VWF: variants seen among roughly 807,000 people sequenced by gnomAD.
VWF encodes the protein Factor VIII related antigen.
Under a neutral mutation model 308.6 loss-of-function variants are expected in VWF, and 176 were observed. That is an observed-to-expected ratio of 0.57 (90% confidence interval 0.50 to 0.65). The LOEUF is 0.65. Ranked by LOEUF, VWF falls within the 30% of genes least tolerant of loss-of-function variation. VWF has a pLI of 0.00. For synonymous variants in VWF, 1,385 were observed against 1,443.4 expected, an observed-to-expected ratio of 0.96 and a Z score of 0.92; for missense variants, 3,146 against 3,648.2, an observed-to-expected ratio of 0.86 and a Z score of 3.55.
chr12:6,031,685 T>A (rs1245569239), intron 20 of VWF, 107 bp from the exon 21 acceptor site: 1 of 1,551,586 alleles, frequency 6.4e-7, no homozygotes, highest in Non-Finnish European at 8.8e-7. Flanking sequence ...TGTCACAGGA[T>A]CTTGCCACGT....
At chr12:6,036,291 G>T in intron 19 of VWF, 97 bp downstream of exon 19, 1 of 1,036,646 alleles carries the variant, frequency 9.6e-7, no homozygotes, top group Non-Finnish European at 1.5e-6. Flanking sequence ...GTTCCCACAG[G>T]GGGCTGGAGG....
Position 6,046,059 on chromosome 12 carries a change from C to T in VWF, c.2281+664G>A, listed in dbSNP as rs1280437929. On this transcript the variant is annotated intron_variant, in intron 17 of 51. Coordinates refer to ENST00000261405, the MANE Select transcript of VWF (RefSeq NM_000552.5). This position sits in a 1 kb window ranked among gnomAD's most constrained non-coding sequence, Gnocchi z 5.0. ...CCAACATGGCAAAACCCCGTCTCTACTAAAAATACAAAAAATTAGCCAGGT... is the reference window on the plus strand; with the variant it reads ...CCAACATGGCAAAACCCCGTCTCTATTAAAAATACAAAAAATTAGCCAGGT... 1.3e-5 allele frequency among the ~76,000 whole-genome samples: 2 copies of T among 152,092 alleles called. No homozygotes were observed. The highest frequency in any genetic ancestry group is 2.9e-5 in the Non-Finnish European group (2 of 68,020).
chr12:5,952,644 T>G (rs1473123368), intron 48 of VWF, 125 bp from the exon 49 acceptor site: 2 of 1,356,274 alleles, frequency 1.5e-6, no homozygotes, highest in Non-Finnish European at 2.0e-6. Flanking sequence ...AAGAAGACAG[T>G]GTATAATAAA....
intron 34 of VWF, among the ~76,000 whole-genome samples, chr12:6,008,218 T>TA (rs34683816): frequency 0.57 from 86,889 of 151,508 alleles, 25,319 homozygotes; most frequent in East Asian, 0.73. Context: ...GACTTTACAT[T>TA]AAAAAAAACT....
In VWF at chr12:5,974,063, T is replaced by C. The variant is rs530525005; in HGVS notation, c.7437+2048A>G. The stretch of plus-strand genomic sequence containing the variant: ...TCTGCAGACTGTGGCTTCAGGGTGA[T>C]GATGGTAGTGTTGTTCTTTCTTTTC... On this transcript the variant is annotated intron_variant, in intron 43 of 51. Coordinates refer to ENST00000261405, the MANE Select transcript of VWF (RefSeq NM_000552.5). Among the ~76,000 whole-genome samples the C allele has an allele frequency of 1.8e-4, 28 of 152,348 alleles. No individual in the cohort carries two copies. The South Asian group carries it at 3.9e-3, about 21-fold the overall frequency.
At chr12:6,066,245 C>G (rs1358892067) in intron 10 of VWF, among the ~76,000 whole-genome samples, 1 of 152,220 alleles carries the variant, frequency 6.6e-6, no homozygotes, top group African/African-American at 2.4e-5. Flanking sequence ...CCAATGTCTC[C>G]AGTGATTCTC....
chr12:6,052,745 C>T lies in VWF; in HGVS notation c.1984G>A (p.Gly662Arg), dbSNP rs772573308. Residue 662 changes from glycine (G) to arginine (R), a missense_variant, in exon 16 of 52, where the codon GGG becomes AGG. Around this residue, in one of 3 missense-constraint regions of VWF, gnomAD observed 1,304 missense variants for 1,353.0 expected, o/e 0.96. Transcript: ENST00000261405. ...CPKGQVYLQC[G>R]TPCNLTCRSL... ...CGGCAGGTCAGGTTGCAGGGGGTCCCGCACTGCAGGTACACCTGGCCTTTC... is the reference window on the plus strand; with the variant it reads ...CGGCAGGTCAGGTTGCAGGGGGTCCTGCACTGCAGGTACACCTGGCCTTTC... 14 of 1,613,938 alleles carry T rather than the reference C, an allele frequency of 8.7e-6. No individual in the cohort carries two copies. The highest frequency in any genetic ancestry group is 4.5e-5 in the East Asian group (2 of 44,872).
At chr12:6,032,265 C>T (rs71459990) in intron 20 of VWF, among the ~76,000 whole-genome samples, 37,728 of 150,886 alleles carry the variant, frequency 0.25, 5,031 homozygotes, top group African/African-American at 0.32. Context: ...GAGGCGGAGG[C>T]TGCAGTGAGC....
chr12:6,018,378 G>A lies in VWF; in HGVS notation c.5040C>T (p.Leu1680=). 2 of 1,611,526 alleles carry A rather than the reference G, an allele frequency of 1.2e-6. No homozygotes were observed. The highest frequency in any genetic ancestry group is 1.7e-6 in the Non-Finnish European group (2 of 1,179,568). Residue 1680 remains leucine, a synonymous_variant, in exon 28 of 52, where the codon CTC becomes CTT. Transcript: ENST00000261405. The part of the protein sequence containing the change: ...CSGEGLQIPT[L]SPAPDCSQPL... Reference sequence around the variant, plus strand: ...GTGCCAGCATACCAGGTGCAGGGGAGAGGGTGGGGATCTGCAGCCCCTCTC... The same window carrying A: ...GTGCCAGCATACCAGGTGCAGGGGAAAGGGTGGGGATCTGCAGCCCCTCTC...
intron 22 of VWF, among the ~76,000 whole-genome samples, chr12:6,028,638 G>T (rs368029755): frequency 2.6e-5 from 4 of 152,132 alleles, no homozygotes; most frequent in African/African-American, 9.7e-5. Flanking sequence ...TTTCAACTTA[G>T]AATTTCATAT....
rs886049735 is a variant in VWF at position 5,951,836 on chromosome 12, G to A, written c.8155+8C>T. 6.8e-6 allele frequency: 11 copies of A among 1,614,142 alleles called. No homozygotes were observed. Among genetic ancestry groups the A allele is most frequent in the Admixed American group, 3.3e-5 (2 of 60,030 alleles). On this transcript the variant is annotated splice_region_variant and intron_variant, in intron 50 of 51. Coordinates refer to ENST00000261405, the MANE Select transcript of VWF (RefSeq NM_000552.5). ...TTTCAAGGGACAAGATATTAGTAACGCACTCACATGTGTCACAGCAGGTGC... is the reference window on the plus strand; with the variant it reads ...TTTCAAGGGACAAGATATTAGTAACACACTCACATGTGTCACAGCAGGTGC...
In VWF at chr12:6,019,794, A is replaced by G. The variant is rs990727934; in HGVS notation, c.3675-51T>C. ...AATGGTTCAGGAAGAACCTGTGGAC[A>G]CTTCTGAGCCCTACAGTGTACAATG... On this transcript the variant is annotated intron_variant, in intron 27 of 51. Transcript: ENST00000261405. This position sits in a 1 kb window ranked among gnomAD's most constrained non-coding sequence, Gnocchi z 5.8. 1.9e-6 allele frequency: 3 copies of G among 1,552,740 alleles called. No homozygotes were observed. In the African/African-American group the frequency reaches 4.1e-5, roughly 21 times the overall value.
intron 33 of VWF, 81 bp from the exon 34 acceptor site, chr12:6,011,875 C>G: frequency 7.0e-7 from 1 of 1,430,964 alleles, no homozygotes; most frequent in Non-Finnish European, 9.8e-7. Flanking sequence ...ACAACTGACC[C>G]CTAGAATTGA....
chr12:6,122,646 A>C, intron 2 of VWF: 1 of 427,896 alleles, frequency 2.3e-6, no homozygotes, highest in Non-Finnish European at 4.6e-6. Context: ...TTGCAGACCC[A>C]GAATCTTAGC....
At chr12:5,973,633 A>G (rs12829271) in intron 43 of VWF, among the ~76,000 whole-genome samples, 104,100 of 152,142 alleles carry the variant, frequency 0.68, 36,548 homozygotes, top group Middle Eastern at 0.86. Flanking sequence ...GGCTTCATAT[A>G]AGCTACAGAG....
intron 6 of VWF, among the ~76,000 whole-genome samples, chr12:6,089,403 G>A (rs1945007296): frequency 6.6e-6 from 1 of 152,208 alleles, no homozygotes; most frequent in South Asian, 2.1e-4. Flanking sequence ...CCAACACGAA[G>A]AACCTGGTAC....
rs1470571061 is a variant in VWF, at chr12:5,949,098, G to A, written c.8359C>T (p.His2787Tyr). Residue 2787 changes from histidine (H) to tyrosine (Y), a missense_variant, in exon 52 of 52, where the codon CAC becomes TAC. Coordinates refer to ENST00000261405, the MANE Select transcript of VWF (RefSeq NM_000552.5). Reference protein sequence around the residue: ...TRTEPMQVALHCTNGSVVYHE... With the variant: ...TRTEPMQVALYCTNGSVVYHE... ...TACACAACAGAGCCATTGGTGCAGT[G>A]CAGGGCCACCTGCATGGGCTCCGTC... 2 of 1,614,248 alleles carry A rather than the reference G, an allele frequency of 1.2e-6. No individual in the cohort carries two copies. Among genetic ancestry groups the A allele is most frequent in the Admixed American group, 1.7e-5 (1 of 60,030 alleles).
chr12:6,065,352 C>G, intron 10 of VWF, 79 bp from the exon 11 acceptor site: 1 of 1,575,622 alleles, frequency 6.3e-7, no homozygotes, highest in South Asian at 1.1e-5. Context: ...AATGCATATG[C>G]AAGCAGGGTG....
intron 18 of VWF, among the ~76,000 whole-genome samples, chr12:6,041,603 CA>C (rs1227411174): frequency 6.6e-6 from 1 of 151,766 alleles, no homozygotes; most frequent in Non-Finnish European, 1.5e-5. Context: ...CGCCCGCCAC[CA>C]CGCCCAGCTA....
Sources: gnomAD v4.1 joint callset for allele counts (sites outside exome capture counted in the v4.1 genomes callset) on GRCh38, gnomAD v4.1.1 for gene constraint, gnomAD v4.1.1 regional missense constraint, Gnocchi (gnomAD v3.1) non-coding constraint, MANE v1.5 for transcripts, NCBI Gene and HGNC (gene_info 2026-07-23, HGNC 2026-07-21) for gene names.